Variants in WDR41 observed in about 807,000 individuals in gnomAD.
The protein encoded by WDR41 is WD repeat domain 41, also known as WD repeat-containing protein 41.
Under a neutral mutation model 69.3 loss-of-function variants are expected in WDR41, and 63 were observed. That is an observed-to-expected ratio of 0.91 (90% confidence interval 0.74 to 1.12). The LOEUF (loss-of-function observed/expected upper bound fraction) is 1.12, where lower values mean the gene tolerates loss of function less well. Among genes scored for constraint, WDR41 ranks in the 50% most tolerant of loss-of-function variants. The pLI is 0.00. For missense variants in WDR41, 543 were observed against 534.5 expected (o/e 1.02, Z -0.16); for synonymous variants, 185 against 192.1 (o/e 0.96, Z 0.31).
chr5:77,612,270 G>A (rs1384311131), intron 1 of WDR41, among the ~76,000 whole-genome samples: 2 of 152,140 alleles, frequency 1.3e-5, no homozygotes, highest in South Asian at 2.1e-4. Context: ...GAAAAAGAGG[G>A]AATCCTTCCT....
chr5:77,464,668 T>A, intron 3 of WDR41, 93 bp downstream of exon 3: 2 of 1,283,862 alleles, frequency 1.6e-6, no homozygotes, highest in Non-Finnish European at 2.2e-6. Context: ...AACAGTGATA[T>A]GTAAATGTAT....
At chr5:77,568,595 T>G (rs1022816264) in intron 1 of WDR41, among the ~76,000 whole-genome samples, 4 of 152,046 alleles carry the variant, frequency 2.6e-5, no homozygotes, top group Admixed American at 2.6e-4. Context: ...GGGGAGAAAA[T>G]AATTTCCCCT....
At chr5:77,592,200 T>C (rs1744148241) in intron 1 of WDR41, among the ~76,000 whole-genome samples, 1 of 152,160 alleles carries the variant, frequency 6.6e-6, no homozygotes, top group African/African-American at 2.4e-5. Flanking sequence ...TATCCTTTTA[T>C]TTTCAGTCTT....
chr5:77,569,005 C>A lies in WDR41; in HGVS notation c.42+51474G>T, dbSNP rs181239638. ...GACATCTCATCAGACGTCACCCCATCGCTGTGCCCTGCCTTTCTCTGGTTC... is the reference window on the plus strand; with the variant it reads ...GACATCTCATCAGACGTCACCCCATAGCTGTGCCCTGCCTTTCTCTGGTTC... On this transcript the variant is annotated intron_variant, in intron 1 of 5. Coordinates refer to the WDR41 transcript ENST00000509971. Among the ~76,000 whole-genome samples the A allele has an allele frequency of 2.6e-5, 4 of 152,284 alleles. No individual in the cohort carries two copies. The East Asian group carries it at 7.7e-4, about 29-fold the overall frequency.
intron 2 of WDR41, chr5:77,480,062 C>T (rs1161486254): frequency 1.3e-5 from 2 of 151,550 alleles, no homozygotes; most frequent in East Asian, 3.9e-4. Context: ...AGCCAAAAAA[C>T]ACATGAAAAA....
At chr5:77,468,295 G>C (rs1317747191) in intron 2 of WDR41, among the ~76,000 whole-genome samples, 1 of 152,022 alleles carries the variant, frequency 6.6e-6, no homozygotes, top group Non-Finnish European at 1.5e-5. Flanking sequence ...TCAAGAGATT[G>C]TTCTTGCCAT....
rs756446474 is a variant in WDR41, at chr5:77,451,243, A to G, written c.586+48T>C. The G allele has an allele frequency of 1.3e-5, 20 of 1,571,346 alleles. No homozygotes were observed. In the African/African-American group the frequency reaches 2.7e-4, roughly 21 times the overall value. ...TTACTTTAGTCCTTCCAGCATGTGT[A>G]TACAATTCTCGTTCAAAATACACAA... On this transcript the variant is annotated intron_variant, in intron 7 of 12. Coordinates refer to ENST00000296679, the MANE Select transcript of WDR41 (RefSeq NM_018268.4).
At chr5:77,433,378 C>A in intron 12 of WDR41, 91 bp from the exon 13 acceptor site, 1 of 1,150,416 alleles carries the variant, frequency 8.7e-7, no homozygotes. Flanking sequence ...GAGATATGTG[C>A]CTTAAAGACT....
At chr5:77,614,539 C>T (rs1744635120) in intron 1 of WDR41, among the ~76,000 whole-genome samples, 1 of 149,732 alleles carries the variant, frequency 6.7e-6, no homozygotes, top group South Asian at 2.1e-4. Flanking sequence ...AGTAAACTAT[C>T]GCAAGGACGA....
intron 1 of WDR41, among the ~76,000 whole-genome samples, chr5:77,595,317 ATATTTTTATAATTTTATGTACGT>A (rs1257295332): frequency 6.6e-6 from 1 of 152,188 alleles, no homozygotes; most frequent in Non-Finnish European, 1.5e-5. Flanking sequence ...AGTTGCCTCA[ATATTTTTATAATTTTATGTACGT>A]TATTTTTCAC....
At chr5:77,582,297 G>A in intron 1 of WDR41, 1 of 1,353,512 alleles carries the variant, frequency 7.4e-7, no homozygotes, top group Non-Finnish European at 1.0e-6. Context: ...CAAGAAAGTA[G>A]ACAATATGCA....
rs73141049 is a variant in WDR41, at chr5:77,492,159, C to T, written c.51+11G>A. On this transcript the variant is annotated intron_variant, in intron 1 of 12. Coordinates refer to ENST00000296679, the MANE Select transcript of WDR41 (RefSeq NM_018268.4). ...CTCGACGGACGCAGAGCAGACCCAC[C>T]CGGGGTTTACCTCGGCCAGTCCCTG... 53,810 of 1,611,466 alleles carry T rather than the reference C, an allele frequency of 0.033. 2,470 individuals carry two copies. Among genetic ancestry groups the T allele is most frequent in the African/African-American group, 0.14 (10,786 of 74,762 alleles).
chr5:77,565,938 A>G (rs938751328), intron 1 of WDR41, among the ~76,000 whole-genome samples: 1 of 152,138 alleles, frequency 6.6e-6, no homozygotes, highest in African/African-American at 2.4e-5. Context: ...ATTAATTAAA[A>G]CCCATTGACT....
At chr5:77,457,662 A>G (rs1249365853) in intron 5 of WDR41, among the ~76,000 whole-genome samples, 1 of 151,564 alleles carries the variant, frequency 6.6e-6, no homozygotes, top group Non-Finnish European at 1.5e-5. Flanking sequence ...CAATTTCACT[A>G]TCTCCTTGCT....
intron 1 of WDR41, among the ~76,000 whole-genome samples, chr5:77,522,354 G>T (rs899029649): frequency 1.3e-5 from 2 of 152,160 alleles, no homozygotes; most frequent in Non-Finnish European, 2.9e-5. Context: ...AAAAGAAACG[G>T]AAAGAGGCCG....
rs946580923 is a variant in WDR41 at position 77,432,166 on chromosome 5, A to G, written c.*969T>C. 1.3e-5 allele frequency: 2 copies of G among 152,250 alleles called. No homozygotes were observed. The highest frequency in any genetic ancestry group is 4.8e-5 in the African/African-American group (2 of 41,470). The allele number at this position is 152,250 out of a possible 1,614,324, so 9.4% of individuals were successfully genotyped here. On this transcript the variant is annotated 3_prime_UTR_variant, in exon 13 of 13. Transcript: ENST00000296679. Reference sequence around the variant, plus strand: ...ATAAATCTGTAGGTTTTCTGTAAGAAGGGTCAGTCTGCTAACATCTGTCAC... The same window carrying G: ...ATAAATCTGTAGGTTTTCTGTAAGAGGGGTCAGTCTGCTAACATCTGTCAC...
chr5:77,438,254 G>C lies in WDR41; in HGVS notation c.990C>G (p.Ala330=), dbSNP rs760174389. ...GGAACTTGTACCTGTTTGGAAGTCTGGCAACGTGCAGGACATTGGAGTCAT... is the reference window on the plus strand; with the variant it reads ...GGAACTTGTACCTGTTTGGAAGTCTCGCAACGTGCAGGACATTGGAGTCAT... ...TAHDSNVLHV[A]RLPNRQLISC... The change falls in exon 10 of 13, where the codon GCC becomes GCG. Residue 330 remains alanine (A), a synonymous_variant. Coordinates refer to ENST00000296679, the MANE Select transcript of WDR41 (RefSeq NM_018268.4). The C allele has an allele frequency of 3.1e-6, 5 of 1,613,980 alleles. No homozygotes were observed. Among genetic ancestry groups the C allele is most frequent in the Non-Finnish European group, 4.2e-6 (5 of 1,179,878 alleles).
intron 1 of WDR41, among the ~76,000 whole-genome samples, chr5:77,575,350 G>T (rs1743811608): frequency 6.6e-6 from 1 of 152,162 alleles, no homozygotes; most frequent in African/African-American, 2.4e-5. Context: ...GAATGTAGAT[G>T]GTTAAGATAA....
At chr5:77,579,596 A>G (rs548653668) in intron 1 of WDR41, among the ~76,000 whole-genome samples, 17 of 152,356 alleles carry the variant, frequency 1.1e-4, no homozygotes, top group Middle Eastern at 3.4e-3. Context: ...TCAAAAAAGA[A>G]GTTATAATAA....
Sources: gnomAD v4.1 joint callset for allele counts (sites outside exome capture counted in the v4.1 genomes callset) on GRCh38, gnomAD v4.1.1 for gene constraint, MANE v1.5 for transcripts, NCBI Gene and HGNC (gene_info 2026-07-23, HGNC 2026-07-21) for gene names.